The following TBX19 variants were observed in gnomAD, a reference collection of about 807,000 sequenced individuals.
The protein encoded by TBX19 is T-box transcription factor TBX19.
Under a neutral mutation model 40.9 loss-of-function variants are expected in TBX19, and 33 were observed. The observed-to-expected ratio is 0.81, with a 90% CI of 0.61 to 1.08. The LOEUF (loss-of-function observed/expected upper bound fraction) is 1.08. Ranked by LOEUF, TBX19 falls within the 50% of genes least tolerant of loss-of-function variation. The pLI is 0.00. For missense variants in TBX19, 494 were observed against 574.0 expected (o/e 0.86, Z 1.42); for synonymous variants, 220 against 225.0 (o/e 0.98, Z 0.20).
At chr1:168,291,119 T>A (rs767064815) in intron 1 of TBX19, 41 bp from the exon 2 acceptor site, 2 of 1,613,486 alleles carry the variant, frequency 1.2e-6, no homozygotes, top group South Asian at 2.2e-5. Context: ...AGAGTTCCTC[T>A]AACGTCCCTC....
intron 7 of TBX19, among the ~76,000 whole-genome samples, chr1:168,310,865 T>G (rs1392118690): frequency 6.8e-6 from 1 of 147,460 alleles, no homozygotes; most frequent in Non-Finnish European, 1.5e-5. Context: ...TATATGTAAA[T>G]ATAGATGTTA....
chr1:168,312,995 A>G lies in TBX19; in HGVS notation c.1340A>G (p.Asp447Gly). 1.9e-6 allele frequency: 3 copies of G among 1,614,058 alleles called. No homozygotes were observed. Among genetic ancestry groups the G allele is most frequent in the South Asian group, 1.1e-5 (1 of 91,078 alleles). Residue 447 changes from aspartate (D) to glycine (G), a missense_variant, in exon 8 of 8, where the codon GAT (aspartate) becomes GGT (glycine). Transcript: ENST00000367821. ...AGGHHSPSSLDG is the reference protein window; with the variant it reads ...AGGHHSPSSLGG ...GGGCACCATTCTCCTTCCTCACTGG[A>G]TGGTTAAGCAGGATCCTAGGAGCCT...
At position 168,281,024 on chromosome 1, in the gene TBX19, G is replaced by A. The variant is rs1648633370; in HGVS notation, c.-67G>A. On this transcript the variant is annotated 5_prime_UTR_variant, in exon 1 of 8. Coordinates refer to ENST00000367821, the MANE Select transcript of TBX19 (RefSeq NM_005149.3). Reference sequence around the variant, plus strand: ...AAGTGGGTTTGAAAAGCAGGCAAGTGAGGGAAGGAAGAAGCTAGAAGCAGG... The same window carrying A: ...AAGTGGGTTTGAAAAGCAGGCAAGTAAGGGAAGGAAGAAGCTAGAAGCAGG... 1 of 1,493,734 alleles carries A rather than the reference G, an allele frequency of 6.7e-7. No homozygotes were observed. The highest frequency in any genetic ancestry group is 9.3e-7 in the Non-Finnish European group (1 of 1,075,700). The allele number at this position is 1,493,734 out of a possible 1,614,324, so 92.5% of individuals were successfully genotyped here.
At position 168,280,998 on chromosome 1, in the gene TBX19, C is replaced by A. The variant is rs1648631960; in HGVS notation, c.-93C>A. ...TTCTCTCCGCTCCCCAAGCACTGTT[C>A]AAGTGGGTTTGAAAAGCAGGCAAGT... On this transcript the variant is annotated 5_prime_UTR_variant, in exon 1 of 8. Coordinates refer to ENST00000367821, the MANE Select transcript of TBX19 (RefSeq NM_005149.3). The A allele has an allele frequency of 8.2e-7, 1 of 1,223,320 alleles. No homozygotes were observed. The highest frequency in any genetic ancestry group is 1.2e-6 in the Non-Finnish European group (1 of 840,940). 75.8% of individuals were successfully genotyped at this position (1,223,320 alleles called of 1,614,324 possible).
chr1:168,294,274 G>C (rs1045431627), intron 3 of TBX19, among the ~76,000 whole-genome samples: 12 of 151,646 alleles, frequency 7.9e-5, no homozygotes, highest in African/African-American at 2.4e-4. Flanking sequence ...TTCATTGTAT[G>C]AATACACTAT....
intron 7 of TBX19, among the ~76,000 whole-genome samples, chr1:168,311,403 G>A (rs1176995614): frequency 2.0e-5 from 3 of 152,190 alleles, no homozygotes; most frequent in Non-Finnish European, 4.4e-5. Flanking sequence ...GGAGGCATCA[G>A]AAAGGGTCTG....
intron 4 of TBX19, among the ~76,000 whole-genome samples, chr1:168,298,234 A>G (rs1649166736): frequency 6.6e-6 from 1 of 152,212 alleles, no homozygotes; most frequent in Non-Finnish European, 1.5e-5. Flanking sequence ...TCAATTCAAT[A>G]TTCAACAACA....
At chr1:168,284,043 C>T (rs1648743743) in intron 1 of TBX19, among the ~76,000 whole-genome samples, 1 of 152,154 alleles carries the variant, frequency 6.6e-6, no homozygotes, top group South Asian at 2.1e-4. Context: ...GGAATTATCT[C>T]CAGAAACTGG....
At chr1:168,288,262 T>C (rs2300579) in intron 1 of TBX19, among the ~76,000 whole-genome samples, 13,077 of 137,764 alleles carry the variant, frequency 0.095, 1,034 homozygotes, top group African/African-American at 0.23. Context: ...GCTATGTAAA[T>C]AGTTATGCCA....
chr1:168,280,993 C>G lies in TBX19; in HGVS notation c.-98C>G. 8.6e-7 allele frequency: 1 copy of G among 1,159,480 alleles called. No individual in the cohort carries two copies. The highest frequency in any genetic ancestry group is 2.6e-4 in the Middle Eastern group (1 of 3,800). 71.8% of individuals were successfully genotyped at this position (1,159,480 alleles called of 1,614,324 possible). A position where few individuals can be genotyped will look rare whatever the true frequency, so the allele number is the denominator to read the frequency against. Reference sequence around the variant, plus strand: ...GTATCTTCTCTCCGCTCCCCAAGCACTGTTCAAGTGGGTTTGAAAAGCAGG... The same window carrying G: ...GTATCTTCTCTCCGCTCCCCAAGCAGTGTTCAAGTGGGTTTGAAAAGCAGG... On this transcript the variant is annotated 5_prime_UTR_variant, in exon 1 of 8. Coordinates refer to ENST00000367821, the MANE Select transcript of TBX19 (RefSeq NM_005149.3).
At chr1:168,306,624 CT>C (rs1230965790) in intron 6 of TBX19, among the ~76,000 whole-genome samples, 1 of 66,802 alleles carries the variant, frequency 1.5e-5, no homozygotes. Flanking sequence ...AAGACGCCAT[CT>C]CAAAAAAAAA....
chr1:168,290,465 T>C (rs1648910280), intron 1 of TBX19, among the ~76,000 whole-genome samples: 2 of 152,210 alleles, frequency 1.3e-5, no homozygotes, highest in Admixed American at 1.3e-4. Context: ...ATGGGTATGT[T>C]AAAGGCCCTG....
At chr1:168,295,994 G>A (rs893732056) in intron 3 of TBX19, among the ~76,000 whole-genome samples, 1 of 152,132 alleles carries the variant, frequency 6.6e-6, no homozygotes, top group Non-Finnish European at 1.5e-5. Context: ...GGCCTGACTC[G>A]CTACTCCTGG....
At chr1:168,304,580 C>T (rs1649356021) in intron 5 of TBX19, among the ~76,000 whole-genome samples, 2 of 152,194 alleles carry the variant, frequency 1.3e-5, no homozygotes, top group Non-Finnish European at 2.9e-5. Context: ...ATTCAGGCTC[C>T]TCTATGCTCC....
intron 6 of TBX19, among the ~76,000 whole-genome samples, chr1:168,305,672 A>C (rs1432822584): frequency 6.6e-6 from 1 of 152,172 alleles, no homozygotes; most frequent in East Asian, 1.9e-4. Context: ...CCTTAGTCTG[A>C]TTCAGTTGGA....
intron 2 of TBX19, among the ~76,000 whole-genome samples, chr1:168,292,793 G>A (rs1365545946): frequency 1.3e-5 from 2 of 151,386 alleles, no homozygotes; most frequent in African/African-American, 4.9e-5. Context: ...GAACCCGGGA[G>A]GCGGAGCTTG....
intron 1 of TBX19, among the ~76,000 whole-genome samples, chr1:168,286,720 T>G (rs1360439184): frequency 3.3e-5 from 5 of 152,254 alleles, no homozygotes; most frequent in African/African-American, 1.2e-4. Flanking sequence ...GAGCTATGTT[T>G]TCATTTTTCT....
intron 6 of TBX19, among the ~76,000 whole-genome samples, chr1:168,306,626 CAAAAAA>C (rs56042823): frequency 5.3e-5 from 4 of 75,292 alleles, no homozygotes; most frequent in Admixed American, 3.4e-4. Context: ...GACGCCATCT[CAAAAAA>C]AAAAAAAAAA....
chr1:168,289,670 A>G lies in TBX19; in HGVS notation c.204-1490A>G, dbSNP rs115187104. 2.3e-3 allele frequency among the ~76,000 whole-genome samples: 349 copies of G among 152,344 alleles called. 1 individual carries two copies. The highest frequency in any genetic ancestry group is 8.2e-3 in the African/African-American group (339 of 41,582). Reference sequence around the variant, plus strand: ...GTTGTTGTGAAGAACTCACTGAGTTAGTTCATGCAAAGTGCTTATTCCCAT... The same window carrying G: ...GTTGTTGTGAAGAACTCACTGAGTTGGTTCATGCAAAGTGCTTATTCCCAT... On this transcript the variant is annotated intron_variant, in intron 1 of 7. Coordinates refer to ENST00000367821, the MANE Select transcript of TBX19 (RefSeq NM_005149.3).
Sources: allele counts gnomAD v4.1 joint callset (sites outside exome capture counted in the v4.1 genomes callset), GRCh38; gene constraint gnomAD v4.1.1; transcripts MANE v1.5; gene names NCBI Gene and HGNC (gene_info 2026-07-23, HGNC 2026-07-21).